The following ZXDC variants were observed in gnomAD, a reference collection of about 807,000 sequenced individuals.
ZXDC encodes the protein ZXD family zinc finger C.
In ZXDC, 58 loss-of-function variants were observed where a neutral mutation model predicts 63.6. That is an observed-to-expected ratio of 0.91 (90% CI 0.74 to 1.13). The LOEUF (loss-of-function observed/expected upper bound fraction) is 1.13. ZXDC is among the 50% of genes most tolerant of loss of function. The probability of loss-of-function intolerance (pLI) is 0.00; values close to 1 mark genes in which losing one functional copy is unlikely to be tolerated. For missense variants in ZXDC, 1,133 were observed against 1,148.9 expected, an observed-to-expected ratio of 0.99 and a Z score of 0.20; for synonymous variants, 561 against 496.1, an observed-to-expected ratio of 1.13 and a Z score of -1.74.
chr3:126,459,608 A>T, intron 7 of ZXDC, 45 bp downstream of exon 7: 1 of 1,612,908 alleles, frequency 6.2e-7, no homozygotes, highest in East Asian at 2.2e-5. Flanking sequence ...GTGACAGAGA[A>T]CCCTCAGGCC....
intron 3 of ZXDC, 27 bp from the exon 4 acceptor site, chr3:126,471,052 G>A: frequency 6.2e-7 from 1 of 1,610,232 alleles, no homozygotes; most frequent in South Asian, 1.1e-5. Context: ...TAAAGGAGCT[G>A]TGATTCCTCA....
In ZXDC at chr3:126,475,674, C is replaced by A. The variant is rs955320822; in HGVS notation, c.192G>T (p.Pro64=). Residue 64 remains proline, a synonymous_variant, in exon 1 of 10, where the codon CCG becomes CCT. Transcript: ENST00000389709. ...CGCCGTCGCTGTCGTCCTCGGCGGG[C>A]GGCGGGCTTGGCCCGGAGGCCTCCC... is the stretch of plus-strand genomic sequence containing the variant. ...RPGEASGPSP[P]PAEDDSDGDS... 1 of 1,407,532 alleles carries A rather than the reference C, an allele frequency of 7.1e-7. No homozygotes were observed. Among genetic ancestry groups the A allele is most frequent in the Non-Finnish European group, 9.3e-7 (1 of 1,076,792 alleles). 87.2% of individuals were successfully genotyped at this position (1,407,532 alleles called of 1,614,324 possible). A position where few individuals can be genotyped will look rare whatever the true frequency, so the allele number is the denominator to read the frequency against.
intron 7 of ZXDC, among the ~76,000 whole-genome samples, chr3:126,449,795 G>A (rs1213207710): frequency 6.6e-6 from 1 of 152,242 alleles, no homozygotes; most frequent in Non-Finnish European, 1.5e-5. Flanking sequence ...AACTGGACCT[G>A]CAGAGGCCAG....
intron 7 of ZXDC, chr3:126,450,145 T>G (rs972068550): frequency 5.6e-6 from 2 of 358,832 alleles, no homozygotes; most frequent in Non-Finnish European, 1.1e-5. Context: ...GCAAGGGGTC[T>G]GAGACCCTCA....
At chr3:126,457,846 G>C (rs1047177706) in intron 7 of ZXDC, among the ~76,000 whole-genome samples, 2 of 152,104 alleles carry the variant, frequency 1.3e-5, no homozygotes, top group African/African-American at 4.8e-5. Context: ...ACCTGCAGCG[G>C]AGTTTTACCA....
chr3:126,458,547 A>G, intron 7 of ZXDC: 1 of 980,546 alleles, frequency 1.0e-6, no homozygotes. Flanking sequence ...CAATGTCCTT[A>G]CTTTTTAAAG....
Position 126,437,737 on chromosome 3 carries a change from T to A in ZXDC, c.*638A>T, listed in dbSNP as rs906160874. ...TTTTAACTCTACCATCCCCCCGAGC[T>A]CTCGGCTATGAATTTAGTCTGGGAA... On this transcript the variant is annotated 3_prime_UTR_variant, in exon 10 of 10. Coordinates refer to ENST00000389709, the MANE Select transcript of ZXDC (RefSeq NM_025112.5). 11 of 152,322 alleles carry A rather than the reference T, an allele frequency of 7.2e-5. No individual in the cohort carries two copies. The highest frequency in any genetic ancestry group is 2.4e-4 in the African/African-American group (10 of 41,442). 9.4% of individuals were successfully genotyped at this position (152,322 alleles called of 1,614,324 possible). A position where few individuals can be genotyped will look rare whatever the true frequency, so the allele number is the denominator to read the frequency against.
At chr3:126,451,042 A>G (rs1318228685) in intron 7 of ZXDC, 1 of 727,084 alleles carries the variant, frequency 1.4e-6, no homozygotes, top group Admixed American at 6.3e-5. Context: ...AAAGGGACTC[A>G]AGGCCACTCC....
chr3:126,455,969 C>T (rs1934290963), intron 7 of ZXDC, among the ~76,000 whole-genome samples: 1 of 151,166 alleles, frequency 6.6e-6, no homozygotes, highest in Non-Finnish European at 1.5e-5. Context: ...CACTGCTCTC[C>T]AGCCGGGGCG....
intron 4 of ZXDC, among the ~76,000 whole-genome samples, chr3:126,468,749 A>C (rs1003720810): frequency 1.3e-5 from 2 of 151,950 alleles, no homozygotes; most frequent in Non-Finnish European, 2.9e-5. Context: ...ATCCATCAGC[A>C]CACCAAGACA....
intron 5 of ZXDC, among the ~76,000 whole-genome samples, chr3:126,465,366 C>A (rs931918049): frequency 2.0e-5 from 3 of 152,232 alleles, no homozygotes; most frequent in African/African-American, 7.2e-5. Flanking sequence ...TGCAAAGCTG[C>A]CCAATGACTA....
In ZXDC at chr3:126,462,223, G is replaced by GA. The variant is rs200661026; in HGVS notation, c.1442-4dup. 1.0e-3 allele frequency: 1,566 copies of GA among 1,556,796 alleles called. 12 individuals carry two copies. The African/African-American group carries it at 0.017, about 16-fold the overall frequency. On this transcript the variant is annotated splice_polypyrimidine_tract_variant and splice_region_variant and intron_variant, in intron 5 of 9. Coordinates refer to ENST00000389709, the MANE Select transcript of ZXDC (RefSeq NM_025112.5). ...AGCTTCTAGCTGAGGTAAGAGATCT[G>GA]AAAAAAAAAGGAATACACTCTGGTT...
At chr3:126,440,874 T>G in intron 8 of ZXDC, 1 of 985,724 alleles carries the variant, frequency 1.0e-6, no homozygotes, top group African/African-American at 1.7e-5. Context: ...CCTGTTTCCT[T>G]GGCGAGACTC....
At chr3:126,441,357 G>A in intron 8 of ZXDC, 3 of 1,020,890 alleles carry the variant, frequency 2.9e-6, no homozygotes, top group Non-Finnish European at 3.5e-6. Flanking sequence ...CTAGAAATGG[G>A]GTGGCTGAGA....
chr3:126,472,232 G>A lies in ZXDC; in HGVS notation c.981C>T (p.Leu327=), dbSNP rs1362093922. Reference sequence around the variant, plus strand: ...TGCACCCAGGAAAGGAGCAGGAAAAGAGCTCTTGTTCCCTGAAGTGGGCTC... The same window carrying A: ...TGCACCCAGGAAAGGAGCAGGAAAAAAGCTCTTGTTCCCTGAAGTGGGCTC... ...HNRAHFREQE[L]FSCSFPGCSK... is the part of the protein sequence containing the mutation. Residue 327 remains leucine (L), a synonymous_variant, in exon 2 of 10, where the codon CTC becomes CTT. Transcript: ENST00000389709. The A allele has an allele frequency of 6.2e-7, 1 of 1,613,542 alleles. No homozygotes were observed. The highest frequency in any genetic ancestry group is 8.5e-7 in the Non-Finnish European group (1 of 1,179,570).
At chr3:126,471,403 A>T (rs1056596701) in intron 3 of ZXDC, among the ~76,000 whole-genome samples, 6 of 152,226 alleles carry the variant, frequency 3.9e-5, no homozygotes, top group African/African-American at 1.4e-4. Context: ...ACAGAGCATC[A>T]GCTGCAATGC....
At chr3:126,455,024 A>G (rs1474972867) in intron 7 of ZXDC, 4 of 985,350 alleles carry the variant, frequency 4.1e-6, no homozygotes, top group Middle Eastern at 5.2e-4. Context: ...ACAACAGCGA[A>G]GTCTTGACTG....
chr3:126,442,071 C>T lies in ZXDC; in HGVS notation c.2213-125G>A, dbSNP rs182913838. 4.0e-3 allele frequency: 4,498 copies of T among 1,127,216 alleles called. 32 individuals are homozygous for T. The highest frequency in any genetic ancestry group is 3.6e-3 in the Non-Finnish European group (3,145 of 869,688). The allele number at this position is 1,127,216 out of a possible 1,614,324, so 69.8% of individuals were successfully genotyped here. A position where few individuals can be genotyped will look rare whatever the true frequency, so the allele number is the denominator to read the frequency against. ...ATTGTCATTCTGCACAGCTAAGAGACGTAAAATCACTTAACAGAAAAAATC... is the reference window on the plus strand; with the variant it reads ...ATTGTCATTCTGCACAGCTAAGAGATGTAAAATCACTTAACAGAAAAAATC... On this transcript the variant is annotated intron_variant, in intron 7 of 9. Coordinates refer to ENST00000389709, the MANE Select transcript of ZXDC (RefSeq NM_025112.5).
intron 5 of ZXDC, among the ~76,000 whole-genome samples, chr3:126,465,148 A>T (rs1242591777): frequency 6.6e-6 from 1 of 152,360 alleles, no homozygotes; most frequent in Admixed American, 6.5e-5. Context: ...TGACACACAC[A>T]GCCTCCACGG....
Sources: gnomAD v4.1 joint callset for allele counts (sites outside exome capture counted in the v4.1 genomes callset) on GRCh38, gnomAD v4.1.1 for gene constraint, MANE v1.5 for transcripts, NCBI Gene and HGNC (gene_info 2026-07-23, HGNC 2026-07-21) for gene names.